Variants in DKK3 observed in about 807,000 individuals in gnomAD.
DKK3 encodes dickkopf-related protein 3.
DKK3 carries 22 observed loss-of-function variants against 33.2 expected under a neutral mutation model. That is an observed-to-expected ratio of 0.66 (90% confidence interval 0.47 to 0.95). The LOEUF is 0.95. Ranked by LOEUF, DKK3 falls within the 40% of genes least tolerant of loss-of-function variation. The pLI is 0.00. For missense variants in DKK3, 398 were observed against 458.4 expected, an observed-to-expected ratio of 0.87 and a Z score of 1.20; for synonymous variants, 194 against 188.8, an observed-to-expected ratio of 1.03 and a Z score of -0.23.
rs948780848 is a variant in DKK3 at position 12,008,077 on chromosome 11, G to A, written c.213+293C>T. On this transcript the variant is annotated intron_variant, in intron 1 of 6. Transcript: ENST00000683431. This position sits in a 1 kb window ranked among gnomAD's most constrained non-coding sequence, Gnocchi z 4.6. ...CTGCTGACAATAGGGAAGGCCAACG[G>A]CATGCCTGACGCCAACTGCAGGCAG... is the stretch of plus-strand genomic sequence containing the variant. Among the ~76,000 whole-genome samples the A allele has an allele frequency of 6.6e-6, 1 of 152,078 alleles. No individual in the cohort carries two copies. Among genetic ancestry groups the A allele is most frequent in the Admixed American group, 6.5e-5 (1 of 15,272 alleles).
intron 3 of DKK3, among the ~76,000 whole-genome samples, chr11:11,985,122 G>A (rs533258849): frequency 8.5e-5 from 13 of 152,128 alleles, no homozygotes; most frequent in African/African-American, 3.1e-4. Flanking sequence ...ATGTGCAGAT[G>A]GTCTAGGGAA....
Position 11,998,858 on chromosome 11 carries a change from T to C in DKK3, c.352-79A>G, listed in dbSNP as rs570026140. 2.2e-3 allele frequency: 3,033 copies of C among 1,387,004 alleles called. 45 individuals carry two copies. Among genetic ancestry groups the C allele is most frequent in the South Asian group, 0.015 (1,247 of 85,576 alleles). 85.9% of individuals were successfully genotyped at this position (1,387,004 alleles called of 1,614,324 possible). ...CCACAAGTTGTTTTTGTGTTTTGTTTTCCATTTTCTGAAGCAGGAGCATCC... is the reference window on the plus strand; with the variant it reads ...CCACAAGTTGTTTTTGTGTTTTGTTCTCCATTTTCTGAAGCAGGAGCATCC... On this transcript the variant is annotated intron_variant, in intron 2 of 6. Coordinates refer to ENST00000683431, the MANE Select transcript of DKK3 (RefSeq NM_001018057.2).
At chr11:11,981,933 G>T (rs955457712) in intron 3 of DKK3, among the ~76,000 whole-genome samples, 5 of 152,062 alleles carry the variant, frequency 3.3e-5, no homozygotes, top group African/African-American at 1.2e-4. Context: ...CTATGAACCT[G>T]AGGACTTTTC....
chr11:12,009,045 T>C, upstream of DKK3: 2 of 986,888 alleles, frequency 2.0e-6, no homozygotes, highest in Non-Finnish European at 2.4e-6. Flanking sequence ...CTACCTGGGG[T>C]GGACCAAGCA....
intron 5 of DKK3, 142 bp downstream of exon 5, chr11:11,966,812 A>G: frequency 8.5e-7 from 1 of 1,179,740 alleles, no homozygotes; most frequent in Non-Finnish European, 1.2e-6. Flanking sequence ...GTGGGAGTGC[A>G]GCACACACTG....
rs1033517532 is a variant in DKK3 at position 12,008,333 on chromosome 11, C to T, written c.213+37G>A. 6.3e-7 allele frequency: 1 copy of T among 1,577,854 alleles called. No homozygotes were observed. The highest frequency in any genetic ancestry group is 1.1e-5 in the South Asian group (1 of 87,116). On this transcript the variant is annotated intron_variant, in intron 1 of 6. Coordinates refer to ENST00000683431, the MANE Select transcript of DKK3 (RefSeq NM_001018057.2). The surrounding 1 kb of genome is among the most constrained non-coding windows in gnomAD (Gnocchi z 4.6). ...CCAGACTTCGCTGCCCCCAGTCTGG[C>T]GCTTCTCAGAGCCCCGCGCCGCCAG...
intron 1 of DKK3, among the ~76,000 whole-genome samples, chr11:12,002,812 G>A (rs1465277903): frequency 6.6e-6 from 1 of 151,900 alleles, no homozygotes; most frequent in Admixed American, 6.6e-5. Context: ...CCATCTCCTG[G>A]TGGCCTAATC....
intron 3 of DKK3, among the ~76,000 whole-genome samples, chr11:11,975,210 G>A (rs7396140): frequency 0.65 from 99,170 of 152,056 alleles, 32,662 homozygotes; most frequent in Middle Eastern, 0.87. Flanking sequence ...AGCAGCCCCA[G>A]TCTCCTCTGT....
At chr11:11,982,017 G>T (rs368852712) in intron 3 of DKK3, among the ~76,000 whole-genome samples, 1 of 152,144 alleles carries the variant, frequency 6.6e-6, no homozygotes, top group African/African-American at 2.4e-5. Context: ...GTCCTGGTTG[G>T]TCTCTGAGGA....
intron 3 of DKK3, among the ~76,000 whole-genome samples, chr11:11,987,602 C>T (rs1206285995): frequency 1.3e-5 from 2 of 152,200 alleles, no homozygotes; most frequent in South Asian, 2.1e-4. Context: ...GTAATGTCTG[C>T]CATGTGCCCG....
chr11:11,996,260 G>A (rs1848291165), intron 3 of DKK3, among the ~76,000 whole-genome samples: 1 of 152,212 alleles, frequency 6.6e-6, no homozygotes, highest in Non-Finnish European at 1.5e-5. Flanking sequence ...TGGTGACAAA[G>A]CACAGTCCCC....
At chr11:11,968,571 C>A in intron 3 of DKK3, 84 bp from the exon 4 acceptor site, 1 of 1,324,444 alleles carries the variant, frequency 7.6e-7, no homozygotes, top group Non-Finnish European at 1.0e-6. Context: ...AGGCCCGCTT[C>A]CATTCCCCAT....
rs1403462363 is a variant in DKK3 at position 11,964,510 on chromosome 11, T to C, written c.1007A>G (p.Glu336Gly). Residue 336 changes from glutamate (E) to glycine (G), a missense_variant, in exon 7 of 7, where the codon GAG (glutamate) becomes GGG (glycine). Coordinates refer to ENST00000683431, the MANE Select transcript of DKK3 (RefSeq NM_001018057.2). ...RSLTEEMALR[E>G]PAAAAAALLG... Reference sequence around the variant, plus strand: ...CAGTGCAGCGGCGGCAGCCGCAGGCTCCCTCAGCGCCATCTCTTCAGTCAG... The same window carrying C: ...CAGTGCAGCGGCGGCAGCCGCAGGCCCCCTCAGCGCCATCTCTTCAGTCAG... 6.2e-7 allele frequency: 1 copy of C among 1,613,750 alleles called. No homozygotes were observed. The highest frequency in any genetic ancestry group is 1.1e-5 in the South Asian group (1 of 91,086).
chr11:11,978,549 C>CT (rs1364742394), intron 3 of DKK3, among the ~76,000 whole-genome samples: 20 of 146,806 alleles, frequency 1.4e-4, no homozygotes, highest in Non-Finnish European at 2.3e-4. Context: ...TTGTTTTTAA[C>CT]TTTTTTTTGT....
chr11:11,977,843 G>A (rs1220751308), intron 3 of DKK3, among the ~76,000 whole-genome samples: 1 of 152,146 alleles, frequency 6.6e-6, no homozygotes, highest in Non-Finnish European at 1.5e-5. Context: ...ACTTGCATGG[G>A]ACCTCTTTGT....
At chr11:11,991,622 C>T (rs938160637) in intron 3 of DKK3, among the ~76,000 whole-genome samples, 2 of 152,144 alleles carry the variant, frequency 1.3e-5, no homozygotes, top group African/African-American at 4.8e-5. Flanking sequence ...TCTCCTCCCT[C>T]CCCTCACTTC....
rs142651172 is a variant in DKK3 at position 11,964,666 on chromosome 11, C to T, written c.851G>A (p.Cys284Tyr). ...QPHSHSLVYV[C>Y]KPTFVGSRDQ... ...ACGGCTCCCCACGAAGGTCGGCTTG[C>T]ACACATACACCAGGCTGTGGCTGGG... is the stretch of plus-strand genomic sequence containing the variant. The change falls in exon 7 of 7, where the codon TGC (cysteine) becomes TAC (tyrosine). Residue 284 changes from cysteine (C) to tyrosine (Y), a missense_variant. Transcript: ENST00000683431. 6.2e-7 allele frequency: 1 copy of T among 1,613,960 alleles called. No homozygotes were observed. Among genetic ancestry groups the T allele is most frequent in the Non-Finnish European group, 8.5e-7 (1 of 1,179,978 alleles).
chr11:12,007,904 A>G (rs142782572), intron 1 of DKK3, among the ~76,000 whole-genome samples: 41 of 152,354 alleles, frequency 2.7e-4, no homozygotes, highest in Admixed American at 1.8e-3. Context: ...ACTGCCAGCA[A>G]AGCTCAGGGC....
upstream of DKK3, chr11:12,008,875 A>G: frequency 1.8e-6 from 2 of 1,126,190 alleles, no homozygotes. This position sits in a 1 kb window ranked among gnomAD's most constrained non-coding sequence, Gnocchi z 4.6. Flanking sequence ...CTCACCTGTG[A>G]TGCTGGAGCC....
Sources: allele counts gnomAD v4.1 joint callset (sites outside exome capture counted in the v4.1 genomes callset), GRCh38; gene constraint gnomAD v4.1.1; non-coding constraint Gnocchi (gnomAD v3.1); transcripts MANE v1.5; gene names NCBI Gene and HGNC (gene_info 2026-07-23, HGNC 2026-07-21).